Variants in ZFAT observed in about 807,000 individuals in gnomAD.
The protein encoded by ZFAT is zinc finger and AT-hook domain containing.
A neutral mutation model predicts 117.7 loss-of-function variants in ZFAT; 64 were observed. The observed-to-expected ratio is 0.54, with a 90% CI of 0.44 to 0.67. The LOEUF is 0.67. Among genes scored for constraint, ZFAT ranks in the 30% least tolerant of loss-of-function variants. The pLI is 0.00. For missense variants in ZFAT, 1,433 were observed against 1,584.5 expected (o/e 0.90, Z 1.62); for synonymous variants, 679 against 615.0 (o/e 1.10, Z -1.54).
chr8:134,780,539 T>A, the ZFAT span, among the ~76,000 whole-genome samples: 1 of 152,254 alleles, frequency 6.6e-6, no homozygotes, highest in Non-Finnish European at 1.5e-5. Flanking sequence ...TGGATCCTAG[T>A]TTTCTTATTG....
intron 1 of ZFAT, among the ~76,000 whole-genome samples, chr8:134,705,378 T>TTG (rs1491197739): frequency 2.8e-5 from 1 of 35,822 alleles, no homozygotes; most frequent in African/African-American, 1.4e-4. Flanking sequence ...TTTTTTTTTG[T>TTG]TTTTTTTTTT....
intron 2 of ZFAT, among the ~76,000 whole-genome samples, chr8:134,644,133 T>G (rs982823065): frequency 3.9e-5 from 6 of 152,182 alleles, no homozygotes; most frequent in African/African-American, 1.4e-4. Context: ...CCTTTTTGCC[T>G]ATTTGCCATT....
the ZFAT span, chr8:134,792,475 T>C: frequency 6.6e-6 from 1 of 152,246 alleles, no homozygotes; most frequent in East Asian, 1.9e-4. Context: ...ATAATGGAGA[T>C]AAAACCATTG....
chr8:134,760,181 T>C, the ZFAT span, among the ~76,000 whole-genome samples: 2 of 147,852 alleles, frequency 1.4e-5, no homozygotes, highest in South Asian at 2.1e-4. Context: ...GGCAGAAGAA[T>C]GGCATGAACC....
chr8:134,569,741 T>C (rs966864033), intron 10 of ZFAT, among the ~76,000 whole-genome samples: 3 of 152,128 alleles, frequency 2.0e-5, no homozygotes, highest in Non-Finnish European at 4.4e-5. Flanking sequence ...GACCCCACAG[T>C]GGACCTTTCA....
chr8:134,747,319 G>A, the ZFAT span, among the ~76,000 whole-genome samples: 1 of 151,980 alleles, frequency 6.6e-6, no homozygotes, highest in Admixed American at 6.6e-5. Flanking sequence ...CAAACTCCTG[G>A]ACTCAAATGA....
At chr8:134,650,911 A>G (rs2131171857) in intron 2 of ZFAT, among the ~76,000 whole-genome samples, 1 of 152,358 alleles carries the variant, frequency 6.6e-6, no homozygotes, top group South Asian at 2.1e-4. Flanking sequence ...TTAACTTAAA[A>G]TGGATCAAAG....
rs1827576067 is a variant in ZFAT at position 134,602,528 on chromosome 8, C to T, written c.1191G>A (p.Glu397=). ...ALDELCLMTR[E]GKRQLLYDCH... Reference sequence around the variant, plus strand: ...AGTCATAGAGCAGCTGCCGCTTGCCCTCCCTCGTCATCAGGCAGAGCTCGT... The same window carrying T: ...AGTCATAGAGCAGCTGCCGCTTGCCTTCCCTCGTCATCAGGCAGAGCTCGT... The change falls in exon 6 of 16, where the codon GAG becomes GAA. Residue 397 remains glutamate (E), a synonymous_variant. Coordinates refer to ENST00000377838, the MANE Select transcript of ZFAT (RefSeq NM_020863.4). 3 of 1,613,874 alleles carry T rather than the reference C, an allele frequency of 1.9e-6. No homozygotes were observed. Among genetic ancestry groups the T allele is most frequent in the Middle Eastern group, 1.6e-4 (1 of 6,084 alleles).
intron 11 of ZFAT, among the ~76,000 whole-genome samples, chr8:134,558,389 T>G (rs1348292529): frequency 6.6e-6 from 1 of 152,098 alleles, no homozygotes; most frequent in Non-Finnish European, 1.5e-5. Flanking sequence ...AATAATTATA[T>G]CAGTGTTCAT....
intron 11 of ZFAT, among the ~76,000 whole-genome samples, chr8:134,549,926 G>C (rs1257410810): frequency 6.6e-6 from 1 of 152,126 alleles, no homozygotes; most frequent in African/African-American, 2.4e-5. Flanking sequence ...ACGCCCGAAA[G>C]GAAGAGGCCC....
intron 11 of ZFAT, among the ~76,000 whole-genome samples, chr8:134,562,137 G>A (rs1431485971): frequency 9.2e-5 from 14 of 152,166 alleles, no homozygotes; most frequent in Admixed American, 9.2e-4. Flanking sequence ...CATGGTGAGA[G>A]ATGCCATATT....
intron 2 of ZFAT, among the ~76,000 whole-genome samples, chr8:134,656,612 T>C (rs1563734193): frequency 6.6e-6 from 1 of 152,218 alleles, no homozygotes; most frequent in Non-Finnish European, 1.5e-5. Context: ...AATCTCTCCT[T>C]GTTAATGGTG....
intron 1 of ZFAT, among the ~76,000 whole-genome samples, chr8:134,708,559 A>G (rs1455762915): frequency 6.6e-6 from 1 of 152,140 alleles, no homozygotes; most frequent in Admixed American, 6.5e-5. Context: ...AATCATCTAT[A>G]TATTTTGTGT....
intron 1 of ZFAT, among the ~76,000 whole-genome samples, chr8:134,698,056 C>A (rs1586968413): frequency 1.3e-5 from 2 of 151,570 alleles, no homozygotes; most frequent in African/African-American, 4.8e-5. Context: ...GGTGCGGTGG[C>A]TCACGCCTGT....
chr8:134,590,236 T>C, intron 8 of ZFAT, 32 bp downstream of exon 8: 1 of 1,538,278 alleles, frequency 6.5e-7, no homozygotes, highest in Non-Finnish European at 9.0e-7. Context: ...ATTTTTAACA[T>C]TAATCTTCCA....
At chr8:134,710,972 TC>T (rs1813969975) in intron 1 of ZFAT, among the ~76,000 whole-genome samples, 1 of 152,192 alleles carries the variant, frequency 6.6e-6, no homozygotes, top group African/African-American at 2.4e-5. Flanking sequence ...AACAAGGTGT[TC>T]AAGGTACCTA....
chr8:134,521,878 C>T (rs1175808480), intron 12 of ZFAT, among the ~76,000 whole-genome samples: 1 of 152,228 alleles, frequency 6.6e-6, no homozygotes, highest in Non-Finnish European at 1.5e-5. Flanking sequence ...TGAGCCCTCT[C>T]ACCAACATCC....
At chr8:134,698,618 T>C (rs1392269019) in intron 1 of ZFAT, among the ~76,000 whole-genome samples, 2 of 152,076 alleles carry the variant, frequency 1.3e-5, no homozygotes, top group Non-Finnish European at 2.9e-5. Context: ...GGTAGAAGCG[T>C]CAGACGGTCA....
At chr8:134,641,474 G>C (rs1012621647) in intron 2 of ZFAT, among the ~76,000 whole-genome samples, 1 of 152,088 alleles carries the variant, frequency 6.6e-6, no homozygotes, top group Non-Finnish European at 1.5e-5. Flanking sequence ...CCTCCTCCAT[G>C]AGGTGTCCCC....
Sources: gnomAD v4.1 joint callset for allele counts (sites outside exome capture counted in the v4.1 genomes callset) on GRCh38, gnomAD v4.1.1 for gene constraint, MANE v1.5 for transcripts, NCBI Gene and HGNC (gene_info 2026-07-23, HGNC 2026-07-21) for gene names.